FBXW11: variants seen among roughly 807,000 people sequenced by gnomAD.
FBXW11 encodes F-box/WD repeat-containing protein 11.
A neutral mutation model predicts 77.6 loss-of-function variants in FBXW11; 19 were observed. That is an observed-to-expected ratio of 0.24 (90% CI 0.17 to 0.36). The LOEUF is 0.36. Ranked by LOEUF, FBXW11 falls within the 10% of genes least tolerant of loss-of-function variation. The pLI is 1.00. For missense variants in FBXW11, 334 were observed against 704.2 expected (o/e 0.47, Z 5.95); for synonymous variants, 235 against 249.4 (o/e 0.94, Z 0.54).
At chr5:171,967,271 G>A (rs1160158553) in intron 1 of FBXW11, among the ~76,000 whole-genome samples, 2 of 152,130 alleles carry the variant, frequency 1.3e-5, no homozygotes, top group African/African-American at 4.8e-5. Flanking sequence ...CAAAAATATA[G>A]CCAAGAAGAT....
intron 7 of FBXW11, among the ~76,000 whole-genome samples, chr5:171,891,097 T>C (rs951493911): frequency 2.0e-5 from 3 of 152,198 alleles, no homozygotes; most frequent in African/African-American, 7.2e-5. Context: ...TGCTCTATCA[T>C]TCTGTGGTAT....
intron 1 of FBXW11, among the ~76,000 whole-genome samples, chr5:171,995,447 C>T (rs927052265): frequency 2.6e-5 from 4 of 151,970 alleles, no homozygotes; most frequent in African/African-American, 4.8e-5. Context: ...GGGCTGGGCG[C>T]GGTGGCATTT....
intron 4 of FBXW11, among the ~76,000 whole-genome samples, chr5:171,905,998 T>A (rs1466608992): frequency 6.6e-6 from 1 of 152,102 alleles, no homozygotes; most frequent in Non-Finnish European, 1.5e-5. Flanking sequence ...AGGAACCAGA[T>A]GAAAGTCTGG....
At chr5:172,004,874 C>A in intron 1 of FBXW11, among the ~76,000 whole-genome samples, 1 of 146,994 alleles carries the variant, frequency 6.8e-6, no homozygotes, top group Non-Finnish European at 1.5e-5. Context: ...CGTGCACACA[C>A]ACACACACAC....
intron 12 of FBXW11, 68 bp from the exon 13 acceptor site, chr5:171,868,864 C>A (rs1251336215): frequency 6.9e-7 from 1 of 1,454,730 alleles, no homozygotes; most frequent in Non-Finnish European, 9.3e-7. Context: ...CAATGAGAAA[C>A]TGGGCAGAAG....
chr5:171,936,527 G>A lies in FBXW11; in HGVS notation c.147+21070C>T, dbSNP rs555918899. Among the ~76,000 whole-genome samples the A allele has an allele frequency of 2.0e-5, 3 of 146,912 alleles. No individual in the cohort carries two copies. In the South Asian group the frequency reaches 6.4e-4, roughly 31 times the overall value. Reference sequence around the variant, plus strand: ...AAAAAAAAAAAAAACAGGAAATAGAGGCATTACAAAAATTATAATTAAAAC... The same window carrying A: ...AAAAAAAAAAAAAACAGGAAATAGAAGCATTACAAAAATTATAATTAAAAC... On this transcript the variant is annotated intron_variant, in intron 2 of 13. Coordinates refer to ENST00000517395, the MANE Select transcript of FBXW11 (RefSeq NM_001378974.1).
intron 2 of FBXW11, among the ~76,000 whole-genome samples, chr5:171,932,904 G>C (rs1762286427): frequency 1.5e-5 from 2 of 134,898 alleles, no homozygotes. Flanking sequence ...AGACTCTCCA[G>C]CCCAGGACTT....
chr5:171,932,954 CAAAAAAAAAAAAAA>C (rs59324690), intron 2 of FBXW11, among the ~76,000 whole-genome samples: 15 of 50,254 alleles, frequency 3.0e-4, no homozygotes, highest in Admixed American at 2.9e-3. Context: ...CTGCCTCTAC[CAAAAAAAAAAAAAA>C]AAAAAAAAAA....
rs1760312826 is a variant in FBXW11 at position 171,904,091 on chromosome 5, G to T, written c.437-3991C>A. On this transcript the variant is annotated intron_variant, in intron 4 of 13. Coordinates refer to ENST00000517395, the MANE Select transcript of FBXW11 (RefSeq NM_001378974.1). This position sits in a 1 kb window ranked among gnomAD's most constrained non-coding sequence, Gnocchi z 4.0. ...ATGGGCAGATCGCTTGAGTCCAGGA[G>T]TTTGAGACCAGCCTGGACAGCATGG... Among the ~76,000 whole-genome samples, 1 of 152,122 alleles carries T rather than the reference G, an allele frequency of 6.6e-6. No homozygotes were observed. Among genetic ancestry groups the T allele is most frequent in the Non-Finnish European group, 1.5e-5 (1 of 68,032 alleles).
At chr5:171,958,899 T>C (rs78893047) in intron 1 of FBXW11, among the ~76,000 whole-genome samples, 2 of 152,114 alleles carry the variant, frequency 1.3e-5, no homozygotes, top group African/African-American at 4.8e-5. Context: ...AACACCCTCA[T>C]TTGCCTGAGA....
At chr5:171,996,260 C>A (rs1290060961) in intron 1 of FBXW11, among the ~76,000 whole-genome samples, 1 of 152,174 alleles carries the variant, frequency 6.6e-6, no homozygotes, top group Non-Finnish European at 1.5e-5. Flanking sequence ...TGTGAGAATG[C>A]CTCAAAGTTA....
At chr5:171,880,397 A>G (rs1233717543) in intron 7 of FBXW11, among the ~76,000 whole-genome samples, 2 of 152,102 alleles carry the variant, frequency 1.3e-5, no homozygotes, top group Non-Finnish European at 2.9e-5. Flanking sequence ...TCTTTATTCT[A>G]CTTCAGTATC....
chr5:171,921,570 T>C (rs1001511734), intron 2 of FBXW11, among the ~76,000 whole-genome samples: 7 of 152,108 alleles, frequency 4.6e-5, no homozygotes, highest in Non-Finnish European at 8.8e-5. Context: ...CAAAGCTGAA[T>C]TGAGAAGATC....
At chr5:171,934,966 G>A (rs1762397839) in intron 2 of FBXW11, among the ~76,000 whole-genome samples, 1 of 151,350 alleles carries the variant, frequency 6.6e-6, no homozygotes, top group South Asian at 2.1e-4. Flanking sequence ...TTTGTTTTTT[G>A]TTTTGTTTTT....
chr5:171,904,797 CTT>C lies in FBXW11; in HGVS notation c.437-4699_437-4698del, dbSNP rs1288677612. ...ATGTTGGCCAGGATGGTCTTGATCT[CTT>C]GACCTCATGATCCACCCAACTCGGC... On this transcript the variant is annotated intron_variant, in intron 4 of 13. Coordinates refer to ENST00000517395, the MANE Select transcript of FBXW11 (RefSeq NM_001378974.1). The surrounding 1 kb of genome is among the most constrained non-coding windows in gnomAD (Gnocchi z 4.0). Among the ~76,000 whole-genome samples, 1 of 152,062 alleles carries C rather than the reference CTT, an allele frequency of 6.6e-6. No homozygotes were observed. The highest frequency in any genetic ancestry group is 1.5e-5 in the Non-Finnish European group (1 of 68,016).
intron 9 of FBXW11, among the ~76,000 whole-genome samples, chr5:171,875,159 G>A (rs1319429813): frequency 2.0e-5 from 3 of 151,870 alleles, no homozygotes; most frequent in African/African-American, 7.3e-5. Context: ...GCTCATGCCT[G>A]TAATCCCAAC....
intron 1 of FBXW11, among the ~76,000 whole-genome samples, chr5:171,970,637 A>C (rs1764475436): frequency 6.6e-6 from 1 of 152,252 alleles, no homozygotes; most frequent in African/African-American, 2.4e-5. Context: ...CCAAGTTAGT[A>C]GTGTTTTAAT....
chr5:171,895,499 A>G (rs1030427297), intron 6 of FBXW11, among the ~76,000 whole-genome samples: 3 of 152,214 alleles, frequency 2.0e-5, no homozygotes, highest in African/African-American at 7.2e-5. Flanking sequence ...ACAACACACC[A>G]TCATCTTCCC....
intron 2 of FBXW11, among the ~76,000 whole-genome samples, chr5:171,948,605 T>C (rs1412677043): frequency 6.6e-6 from 1 of 151,056 alleles, no homozygotes; most frequent in Non-Finnish European, 1.5e-5. Context: ...ACAACAAAAA[T>C]CAAACAAAAA....
Sources: allele counts gnomAD v4.1 joint callset (sites outside exome capture counted in the v4.1 genomes callset), GRCh38; gene constraint gnomAD v4.1.1; non-coding constraint Gnocchi (gnomAD v3.1); transcripts MANE v1.5; gene names NCBI Gene and HGNC (gene_info 2026-07-23, HGNC 2026-07-21).